Variants in IFT57 observed in about 807,000 individuals in gnomAD.
The protein encoded by IFT57 is intraflagellar transport protein 57 homolog.
Under a neutral mutation model 56.8 loss-of-function variants are expected in IFT57, and 59 were observed. The ratio of observed to expected loss-of-function variants is 1.04; its 90% CI spans 0.84 to 1.29. The LOEUF is 1.29. Ranked by LOEUF, IFT57 falls within the 50% of genes most tolerant of loss-of-function variation. The pLI is 0.00. For synonymous variants in IFT57, 209 were observed against 186.1 expected, an observed-to-expected ratio of 1.12 and a Z score of -1.00; for missense variants, 470 against 522.1, an observed-to-expected ratio of 0.90 and a Z score of 0.97.
In IFT57 at chr3:108,192,045, G is replaced by A. The variant is rs1249877059; in HGVS notation, c.655-402C>T. 2.6e-5 allele frequency among the ~76,000 whole-genome samples: 4 copies of A among 151,814 alleles called. No homozygotes were observed. The East Asian group carries it at 5.8e-4, about 22-fold the overall frequency. On this transcript the variant is annotated intron_variant, in intron 5 of 10. Coordinates refer to ENST00000264538, the MANE Select transcript of IFT57 (RefSeq NM_018010.4). Reference sequence around the variant, plus strand: ...ACTTAAATCGGGCATGGTGGTGGGCGCCTGTAGTCCCAGCTACTCGGGAGG... The same window carrying A: ...ACTTAAATCGGGCATGGTGGTGGGCACCTGTAGTCCCAGCTACTCGGGAGG...
In IFT57 at chr3:108,219,605, G is replaced by A. The variant is rs141057702; in HGVS notation, c.213-33C>T. The A allele has an allele frequency of 1.1e-5, 17 of 1,601,284 alleles. No individual in the cohort carries two copies. In the East Asian group the frequency reaches 3.6e-4, roughly 34 times the overall value. ...AAAACAAGGAGGAATGGGGGCGGAT[G>A]TGAAATAATGCAAATAAGTCTATAA... On this transcript the variant is annotated intron_variant, in intron 1 of 10. Coordinates refer to ENST00000264538, the MANE Select transcript of IFT57 (RefSeq NM_018010.4).
rs568661083 is a variant in IFT57, at chr3:108,222,395, C to A, written c.-73G>T. 9 of 1,422,484 alleles carry A rather than the reference C, an allele frequency of 6.3e-6. No homozygotes were observed. The highest frequency in any genetic ancestry group is 2.5e-5 in the East Asian group (1 of 40,626). 88.1% of individuals were successfully genotyped at this position (1,422,484 alleles called of 1,614,324 possible). On this transcript the variant is annotated 5_prime_UTR_variant, in exon 1 of 11. Transcript: ENST00000264538. ...CGGCCTAAGCCGCCAGCCCTGCCGC[C>A]GCCAGTACAGCCACGACCGGTTACC... is the stretch of plus-strand genomic sequence containing the variant.
chr3:108,205,984 TA>T (rs1470702347), intron 5 of IFT57, among the ~76,000 whole-genome samples: 203 of 32,982 alleles, frequency 6.2e-3, no homozygotes, highest in African/African-American at 0.011. Context: ...ATATATAATA[TA>T]TAATATATTT....
rs959102617 is a variant in IFT57, at chr3:108,183,990, G to T, written c.777+7531C>A. ...ATTGATTCATGTAAAAATTTAAAAAGTTTATATGTTACTATAAGGAATTTA... is the reference window on the plus strand; with the variant it reads ...ATTGATTCATGTAAAAATTTAAAAATTTTATATGTTACTATAAGGAATTTA... On this transcript the variant is annotated intron_variant, in intron 6 of 10. Coordinates refer to ENST00000264538, the MANE Select transcript of IFT57 (RefSeq NM_018010.4). 3.3e-5 allele frequency among the ~76,000 whole-genome samples: 5 copies of T among 151,968 alleles called. 1 individual carries two copies. The highest frequency in any genetic ancestry group is 2.0e-4 in the Admixed American group (3 of 15,244).
At chr3:108,185,646 C>G (rs375701561) in intron 6 of IFT57, among the ~76,000 whole-genome samples, 3 of 151,128 alleles carry the variant, frequency 2.0e-5, no homozygotes, top group African/African-American at 7.3e-5. Flanking sequence ...GCAACCTCCC[C>G]CTCCTGGATT....
At chr3:108,178,232 T>G (rs1014260109) in intron 6 of IFT57, among the ~76,000 whole-genome samples, 1 of 152,026 alleles carries the variant, frequency 6.6e-6, no homozygotes, top group Middle Eastern at 3.4e-3. Flanking sequence ...TGTATACATA[T>G]GAAAACCAAG....
intron 4 of IFT57, among the ~76,000 whole-genome samples, chr3:108,207,109 G>C (rs986235803): frequency 4.6e-5 from 7 of 152,140 alleles, no homozygotes; most frequent in Admixed American, 1.3e-4. Flanking sequence ...AAAATGAGAG[G>C]CTGACAGAGA....
At chr3:108,180,877 G>A (rs150064404) in intron 6 of IFT57, among the ~76,000 whole-genome samples, 6 of 152,010 alleles carry the variant, frequency 3.9e-5, no homozygotes, top group South Asian at 2.1e-4. Flanking sequence ...AAATATTTAG[G>A]TAGTCTAGAA....
At chr3:108,211,330 G>C (rs1400238056) in intron 4 of IFT57, among the ~76,000 whole-genome samples, 1 of 152,186 alleles carries the variant, frequency 6.6e-6, no homozygotes, top group Non-Finnish European at 1.5e-5. Flanking sequence ...GAACAACTAG[G>C]AATATATGAG....
intron 6 of IFT57, among the ~76,000 whole-genome samples, chr3:108,170,723 G>A (rs1470622093): frequency 6.6e-6 from 1 of 150,610 alleles, no homozygotes; most frequent in African/African-American, 2.4e-5. Context: ...AACAAAGCTG[G>A]AGGCATCATG....
chr3:108,175,621 C>G (rs2080119864), intron 6 of IFT57, among the ~76,000 whole-genome samples: 1 of 151,710 alleles, frequency 6.6e-6, no homozygotes, highest in African/African-American at 2.4e-5. Flanking sequence ...TGAAAGATTT[C>G]CTTTGTGTAT....
At chr3:108,197,664 A>T (rs1414919658) in intron 5 of IFT57, among the ~76,000 whole-genome samples, 1 of 152,218 alleles carries the variant, frequency 6.6e-6, no homozygotes. Flanking sequence ...ACCTACTGAG[A>T]GGGTGTTAAA....
chr3:108,166,229 C>T (rs62264151), intron 8 of IFT57, among the ~76,000 whole-genome samples: 13,943 of 152,056 alleles, frequency 0.092, 705 homozygotes, highest in Middle Eastern at 0.12. Context: ...TCCTTACTAG[C>T]CTTCTTTAAC....
chr3:108,190,264 T>G (rs1294615315), intron 6 of IFT57, among the ~76,000 whole-genome samples: 1 of 152,280 alleles, frequency 6.6e-6, no homozygotes, highest in East Asian at 1.9e-4. Context: ...ATGATTGTGT[T>G]CTGAAATGTA....
chr3:108,199,458 G>A lies in IFT57; in HGVS notation c.654+7170C>T, dbSNP rs994168765. On this transcript the variant is annotated intron_variant, in intron 5 of 10. Transcript: ENST00000264538. ...TAAGCCAAAAAACTGAAATAGGAAT[G>A]AATATAACTTGTGAAGATCAAAATG... 2.0e-5 allele frequency among the ~76,000 whole-genome samples: 3 copies of A among 152,288 alleles called. No individual in the cohort carries two copies. The South Asian group carries it at 6.2e-4, about 32-fold the overall frequency.
chr3:108,200,525 G>A (rs2080272288), intron 5 of IFT57, among the ~76,000 whole-genome samples: 1 of 152,124 alleles, frequency 6.6e-6, no homozygotes, highest in Non-Finnish European at 1.5e-5. Flanking sequence ...AATGTATATA[G>A]TCTGGTACCC....
chr3:108,216,060 A>C (rs1446555335), intron 3 of IFT57, among the ~76,000 whole-genome samples: 1 of 152,212 alleles, frequency 6.6e-6, no homozygotes, highest in African/African-American at 2.4e-5. Context: ...ACACTTCATG[A>C]CATTGGTCTG....
chr3:108,205,199 C>A (rs1171358368), intron 5 of IFT57, among the ~76,000 whole-genome samples: 1 of 152,004 alleles, frequency 6.6e-6, no homozygotes, highest in African/African-American at 2.4e-5. Flanking sequence ...TTGGTTTTTG[C>A]CAGTGCTGAG....
chr3:108,222,158 G>C lies in IFT57; in HGVS notation c.165C>G (p.Arg55=), dbSNP rs1576054593. 1 of 1,613,616 alleles carries C rather than the reference G, an allele frequency of 6.2e-7. No homozygotes were observed. Among genetic ancestry groups the C allele is most frequent in the Admixed American group, 1.7e-5 (1 of 60,002 alleles). Residue 55 remains arginine (R), a synonymous_variant, in exon 1 of 11, where the codon CGC becomes CGG. Transcript: ENST00000264538. ...TCTTCCGGAGGAACTCCTCCTCGTA[G>C]CGGAGCAGCTTCAGCTTCTCCACCA... ...EDLVEKLKLL[R]YEEEFLRKSN...
Sources: allele counts gnomAD v4.1 joint callset (sites outside exome capture counted in the v4.1 genomes callset), GRCh38; gene constraint gnomAD v4.1.1; transcripts MANE v1.5; gene names NCBI Gene and HGNC (gene_info 2026-07-23, HGNC 2026-07-21).